CDKAL1: variants seen among roughly 807,000 people sequenced by gnomAD.
CDKAL1 encodes CDKAL1 threonylcarbamoyladenosine tRNA methylthiotransferase.
A neutral mutation model predicts 68.2 loss-of-function variants in CDKAL1; 32 were observed. That is an observed-to-expected ratio of 0.47 (90% CI 0.35 to 0.63). The LOEUF (loss-of-function observed/expected upper bound fraction) is 0.63, where lower values mean the gene tolerates loss of function less well. Among genes scored for constraint, CDKAL1 ranks in the 30% least tolerant of loss-of-function variants. The pLI is 0.00. For synonymous variants in CDKAL1, 234 were observed against 244.3 expected, an observed-to-expected ratio of 0.96 and a Z score of 0.39; for missense variants, 606 against 696.7, an observed-to-expected ratio of 0.87 and a Z score of 1.47.
intron 11 of CDKAL1, among the ~76,000 whole-genome samples, chr6:21,062,932 T>G (rs1487925975): frequency 6.7e-6 from 1 of 148,778 alleles, no homozygotes; most frequent in African/African-American, 2.5e-5. Flanking sequence ...GTTTGTTTTT[T>G]GAGACGAAGT....
Position 20,844,099 on chromosome 6 carries a change from A to G in CDKAL1, c.639-1976A>G, listed in dbSNP as rs34656248. Among the ~76,000 whole-genome samples the G allele has an allele frequency of 8.7e-3, 1,332 of 152,306 alleles. 7 individuals carry two copies. Among genetic ancestry groups the G allele is most frequent in the Middle Eastern group, 0.024 (7 of 294 alleles). ...ATGAAGTGACATGTTTTCACACAGA[A>G]CCAGCAGGAGGATGAAAAACAGAAA... is the stretch of plus-strand genomic sequence containing the variant. On this transcript the variant is annotated intron_variant, in intron 8 of 15. Coordinates refer to ENST00000274695, the MANE Select transcript of CDKAL1 (RefSeq NM_017774.3).
At chr6:20,741,738 C>G (rs1773469365) in intron 6 of CDKAL1, among the ~76,000 whole-genome samples, 1 of 152,018 alleles carries the variant, frequency 6.6e-6, no homozygotes, top group South Asian at 2.1e-4. Flanking sequence ...GATTCCATGT[C>G]TTTGCTATTG....
intron 8 of CDKAL1, among the ~76,000 whole-genome samples, chr6:20,786,475 C>T (rs1432046618): frequency 6.7e-6 from 1 of 149,036 alleles, no homozygotes; most frequent in East Asian, 2.0e-4. Context: ...ATTTGTGTGA[C>T]TCCCTTATTT....
At chr6:21,164,015 G>A (rs781619541) in intron 13 of CDKAL1, among the ~76,000 whole-genome samples, 6 of 151,940 alleles carry the variant, frequency 3.9e-5, no homozygotes, top group Admixed American at 6.6e-5. Context: ...TAGGCTCCCT[G>A]TCCCTAGCAT....
chr6:20,857,879 A>C (rs1759416853), intron 9 of CDKAL1, among the ~76,000 whole-genome samples: 1 of 152,024 alleles, frequency 6.6e-6, no homozygotes, highest in African/African-American at 2.4e-5. Context: ...TTCTTTTTTG[A>C]GATGAAGTCT....
At chr6:20,934,242 T>A (rs1350454552) in intron 9 of CDKAL1, among the ~76,000 whole-genome samples, 1 of 152,130 alleles carries the variant, frequency 6.6e-6, no homozygotes, top group East Asian at 1.9e-4. Context: ...TAAGTGGAAG[T>A]AGAAATGTGG....
chr6:20,784,408 A>ATTTTTTTTTTTTTTTTTTTTTTTTTTT (rs1402113263), intron 8 of CDKAL1, among the ~76,000 whole-genome samples: 1 of 23,010 alleles, frequency 4.3e-5, no homozygotes, highest in Non-Finnish European at 9.1e-5. Context: ...CAGATATTTT[A>ATTTTTTTTTTTTTTTTTTTTTTTTTTT]TTTCTTTTTT....
At position 21,172,672 on chromosome 6, in the gene CDKAL1, G is replaced by A. The variant is rs111978381; in HGVS notation, c.1300-25349G>A. On this transcript the variant is annotated intron_variant, in intron 13 of 15. Transcript: ENST00000274695. ...CTCAGAAGGCTGAGGGGGGAGGATC[G>A]CTTCAGCCCAGGATTTGAGGCTGCA... Among the ~76,000 whole-genome samples the A allele has an allele frequency of 7.9e-3, 1,200 of 152,246 alleles. 14 individuals carry two copies. Among genetic ancestry groups the A allele is most frequent in the African/African-American group, 0.027 (1,103 of 41,542 alleles).
intron 9 of CDKAL1, among the ~76,000 whole-genome samples, chr6:20,881,691 C>T (rs1348091573): frequency 1.3e-5 from 2 of 152,110 alleles, no homozygotes; most frequent in Non-Finnish European, 1.5e-5. Flanking sequence ...AAATGTCTTT[C>T]ATATTTGTTA....
intron 4 of CDKAL1, among the ~76,000 whole-genome samples, chr6:20,554,730 C>G (rs1289339349): frequency 1.3e-5 from 2 of 152,178 alleles, no homozygotes; most frequent in Non-Finnish European, 2.9e-5. Flanking sequence ...AAGGTTTAGG[C>G]TTCCAAGGTG....
chr6:20,722,611 G>T (rs897819275), intron 5 of CDKAL1: 4 of 209,904 alleles, frequency 1.9e-5, no homozygotes, highest in Non-Finnish European at 2.9e-5. Flanking sequence ...ACAGACAGGG[G>T]CCGGACCCTG....
At chr6:20,976,118 A>C (rs979905835) in intron 10 of CDKAL1, among the ~76,000 whole-genome samples, 1 of 152,118 alleles carries the variant, frequency 6.6e-6, no homozygotes, top group Non-Finnish European at 1.5e-5. Flanking sequence ...ATATAATTGC[A>C]ATCATACCCT....
intron 9 of CDKAL1, among the ~76,000 whole-genome samples, chr6:20,847,243 T>C (rs1219772112): frequency 6.6e-6 from 1 of 152,244 alleles, no homozygotes; most frequent in East Asian, 1.9e-4. Context: ...TTACTGACTC[T>C]TGCTAGCATT....
intron 9 of CDKAL1, among the ~76,000 whole-genome samples, chr6:20,943,001 T>C (rs9465941): frequency 0.91 from 133,219 of 146,284 alleles, 60,805 homozygotes; most frequent in East Asian, 1. Flanking sequence ...TATACCCACA[T>C]GTTTGCCATT....
In CDKAL1 at chr6:21,191,997, T is replaced by C. The variant is rs1197624491; in HGVS notation, c.1300-6024T>C. 1.6e-3 allele frequency among the ~76,000 whole-genome samples: 76 copies of C among 48,292 alleles called. 2 individuals are homozygous for C. Among genetic ancestry groups the C allele is most frequent in the African/African-American group, 6.6e-3 (72 of 10,938 alleles). The allele number at this position is 48,292 out of a possible 152,430, so 31.7% of individuals were successfully genotyped here. A position where few individuals can be genotyped will look rare whatever the true frequency, so the allele number is the denominator to read the frequency against. On this transcript the variant is annotated intron_variant, in intron 13 of 15. Transcript: ENST00000274695. Reference sequence around the variant, plus strand: ...TATTTTTATAATTCATTTTTCTTTTTTTTTTTTTTTTTTTTTTTTTTTTTT... The same window carrying C: ...TATTTTTATAATTCATTTTTCTTTTCTTTTTTTTTTTTTTTTTTTTTTTTT...
chr6:21,199,704 AT>A (rs1411966236), intron 14 of CDKAL1, among the ~76,000 whole-genome samples: 2 of 152,288 alleles, frequency 1.3e-5, no homozygotes, highest in Non-Finnish European at 1.5e-5. Flanking sequence ...AAGGAGGGTT[AT>A]TTTTCCCCAG....
intron 13 of CDKAL1, among the ~76,000 whole-genome samples, chr6:21,132,003 T>A (rs560217920): frequency 3.0e-4 from 45 of 152,232 alleles, no homozygotes; most frequent in Admixed American, 5.2e-4. Flanking sequence ...AATACAAATT[T>A]AAATTCCAAT....
At chr6:20,748,554 G>GAAAAAAAAAAA (rs1773762406) in intron 6 of CDKAL1, among the ~76,000 whole-genome samples, 1 of 77,106 alleles carries the variant, frequency 1.3e-5, no homozygotes, top group African/African-American at 4.8e-5. Context: ...CTCTGTTTCT[G>GAAAAAAAAAAA]GAAAAAAAAA....
chr6:20,644,965 A>G (rs1768371611), intron 4 of CDKAL1, among the ~76,000 whole-genome samples: 1 of 152,190 alleles, frequency 6.6e-6, no homozygotes, highest in South Asian at 2.1e-4. Context: ...CTAGGCCATT[A>G]TATGGTATAG....
Sources: gnomAD v4.1 joint callset for allele counts (sites outside exome capture counted in the v4.1 genomes callset) on GRCh38, gnomAD v4.1.1 for gene constraint, MANE v1.5 for transcripts, NCBI Gene and HGNC (gene_info 2026-07-23, HGNC 2026-07-21) for gene names.